ELF1: variants seen among roughly 807,000 people sequenced by gnomAD.
ELF1 encodes E74 like ETS transcription factor 1.
In ELF1, 24 loss-of-function variants were observed where a neutral mutation model predicts 59.9. The ratio of observed to expected loss-of-function variants is 0.40; its 90% CI spans 0.29 to 0.56. The LOEUF (loss-of-function observed/expected upper bound fraction) is 0.56. Ranked by LOEUF, ELF1 falls within the 20% of genes least tolerant of loss-of-function variation. ELF1 has a pLI of 0.44. For missense variants in ELF1, 627 were observed against 742.2 expected (o/e 0.84, Z 1.80); for synonymous variants, 248 against 266.2 (o/e 0.93, Z 0.67).
At chr13:40,955,933 C>A (rs1333150319) in intron 3 of ELF1, among the ~76,000 whole-genome samples, 1 of 113,834 alleles carries the variant, frequency 8.8e-6, no homozygotes, top group African/African-American at 3.6e-5. Flanking sequence ...CCAGCCGCCC[C>A]GTCCGGGAGG....
intron 1 of ELF1, among the ~76,000 whole-genome samples, chr13:41,044,077 T>G (rs1354447235): frequency 1.3e-5 from 2 of 152,218 alleles, no homozygotes; most frequent in African/African-American, 4.8e-5. Flanking sequence ...GGGAGTTCAC[T>G]CATTATTTGG....
At chr13:40,961,714 A>G (rs1871834872) in intron 2 of ELF1, among the ~76,000 whole-genome samples, 1 of 152,264 alleles carries the variant, frequency 6.6e-6, no homozygotes, top group East Asian at 1.9e-4. Flanking sequence ...GGACTTGTTA[A>G]AACACTTTTC....
At chr13:40,936,833 G>A (rs1869815887) in intron 8 of ELF1, among the ~76,000 whole-genome samples, 1 of 150,888 alleles carries the variant, frequency 6.6e-6, no homozygotes, top group South Asian at 2.1e-4. Flanking sequence ...TATAATCCCA[G>A]CAACTCGGGA....
intron 1 of ELF1, among the ~76,000 whole-genome samples, chr13:41,031,210 T>C (rs1332104903): frequency 1.3e-5 from 2 of 151,932 alleles, no homozygotes; most frequent in Non-Finnish European, 2.9e-5. Flanking sequence ...AGCAGTACCT[T>C]TACTATCTAG....
chr13:41,060,811 G>A (rs528149542), intron 1 of ELF1: 4 of 217,788 alleles, frequency 1.8e-5, no homozygotes, highest in Admixed American at 5.9e-5. Context: ...CATATGGGAA[G>A]TGCTATGAGA....
At chr13:40,995,791 T>C (rs1408559064) in intron 1 of ELF1, among the ~76,000 whole-genome samples, 1 of 151,984 alleles carries the variant, frequency 6.6e-6, no homozygotes, top group East Asian at 1.9e-4. Context: ...GAGAAAAATC[T>C]AGATGCATGT....
chr13:40,978,700 A>G (rs768218383), intron 2 of ELF1, among the ~76,000 whole-genome samples: 33 of 152,100 alleles, frequency 2.2e-4, no homozygotes, highest in Non-Finnish European at 3.7e-4. Context: ...AATTGAAAAT[A>G]AATAAAATTT....
intron 2 of ELF1, among the ~76,000 whole-genome samples, chr13:40,976,666 T>C (rs1280181686): frequency 6.6e-6 from 1 of 152,216 alleles, no homozygotes; most frequent in Non-Finnish European, 1.5e-5. Flanking sequence ...CTCAGCCTCC[T>C]GAATAGCTGG....
At chr13:41,039,080 C>T (rs1876502714) in intron 1 of ELF1, among the ~76,000 whole-genome samples, 1 of 146,740 alleles carries the variant, frequency 6.8e-6, no homozygotes. Context: ...AAAAGGATGA[C>T]ATTTTAGTAC....
At chr13:41,034,698 A>T (rs1156293638) in intron 1 of ELF1, among the ~76,000 whole-genome samples, 1 of 151,826 alleles carries the variant, frequency 6.6e-6, no homozygotes, top group South Asian at 2.1e-4. Context: ...ATATATGCTT[A>T]TAATTTTTAC....
chr13:41,037,346 A>G (rs1426503942), intron 1 of ELF1, among the ~76,000 whole-genome samples: 1 of 152,182 alleles, frequency 6.6e-6, no homozygotes, highest in East Asian at 1.9e-4. Flanking sequence ...GAGAAATAAT[A>G]TCTGTGATAC....
intron 3 of ELF1, among the ~76,000 whole-genome samples, chr13:40,955,390 G>A (rs1871216256): frequency 7.1e-6 from 1 of 140,992 alleles, no homozygotes; most frequent in African/African-American, 2.7e-5. Flanking sequence ...TCATCCCCCT[G>A]CCCGGCCAGC....
Position 40,940,853 on chromosome 13 carries a change from CTT to C in ELF1, c.1256+66_1256+67del, listed in dbSNP as rs1429852558. The C allele has an allele frequency of 2.0e-6, 3 of 1,479,486 alleles. No individual in the cohort carries two copies. The African/African-American group carries it at 4.2e-5, about 21-fold the overall frequency. 91.6% of individuals were successfully genotyped at this position (1,479,486 alleles called of 1,614,324 possible). ...ATTTTCATTTCTGAATCTTGACCCA[CTT>C]AACAAATAATGTCTCTGGTCAGAAA... On this transcript the variant is annotated intron_variant, in intron 8 of 8. Coordinates refer to ENST00000239882, the MANE Select transcript of ELF1 (RefSeq NM_172373.4).
At chr13:40,941,405 A>G (rs760912847) in intron 7 of ELF1, 35 bp from the exon 8 acceptor site, 2 of 1,503,802 alleles carry the variant, frequency 1.3e-6, no homozygotes, top group Non-Finnish European at 8.9e-7. Flanking sequence ...AATCAATCAA[A>G]CATCAATTAA....
At chr13:40,947,928 G>A (rs543236382) in intron 5 of ELF1, among the ~76,000 whole-genome samples, 1 of 152,128 alleles carries the variant, frequency 6.6e-6, no homozygotes, top group South Asian at 2.1e-4. Context: ...GAAGAATAAG[G>A]CTATTAAAAA....
chr13:40,941,022 A>G lies in ELF1; in HGVS notation c.1155T>C (p.Thr385=). Residue 385 remains threonine, a synonymous_variant, in exon 8 of 9, where the codon ACT becomes ACC. Transcript: ENST00000239882. ...CCTGTACTGGCTGTACTACATGAAC[A>G]GTCCGGAAGAGCTGGGTAGGATATG... ...QSPYPTQLFR[T]VHVVQPVQAV... is the part of the protein sequence containing the mutation. 1 of 1,614,226 alleles carries G rather than the reference A, an allele frequency of 6.2e-7. No individual in the cohort carries two copies. The highest frequency in any genetic ancestry group is 8.5e-7 in the Non-Finnish European group (1 of 1,180,042).
chr13:40,960,546 G>A (rs976598788), intron 2 of ELF1, among the ~76,000 whole-genome samples: 1 of 152,180 alleles, frequency 6.6e-6, no homozygotes. Flanking sequence ...TATCATGTCA[G>A]GGGGTCCAAA....
At chr13:40,949,265 C>A (rs1199504524) in intron 5 of ELF1, among the ~76,000 whole-genome samples, 1 of 152,212 alleles carries the variant, frequency 6.6e-6, no homozygotes, top group East Asian at 1.9e-4. Context: ...GGATTAAAGG[C>A]ATGAGCCACC....
chr13:40,952,518 T>C (rs1485252250), intron 3 of ELF1, among the ~76,000 whole-genome samples: 2 of 151,918 alleles, frequency 1.3e-5, no homozygotes, highest in Non-Finnish European at 2.9e-5. Context: ...CAGGCCACCA[T>C]GCCCAGCTAA....
Sources: gnomAD v4.1 joint callset for allele counts (sites outside exome capture counted in the v4.1 genomes callset) on GRCh38, gnomAD v4.1.1 for gene constraint, MANE v1.5 for transcripts, NCBI Gene and HGNC (gene_info 2026-07-23, HGNC 2026-07-21) for gene names.